Variants in ARHGAP15 observed in about 807,000 individuals in gnomAD.
ARHGAP15 encodes Rho GTPase activating protein 15.
In ARHGAP15, 51 loss-of-function variants were observed where a neutral mutation model predicts 63.7. The observed-to-expected ratio is 0.80, with a 90% confidence interval of 0.64 to 1.01. ARHGAP15 has a LOEUF of 1.01. Ranked by LOEUF, ARHGAP15 falls within the 50% of genes least tolerant of loss-of-function variation. ARHGAP15 has a pLI of 0.00. For missense variants in ARHGAP15, 560 were observed against 564.6 expected (o/e 0.99, Z 0.08); for synonymous variants, 191 against 193.8 (o/e 0.99, Z 0.12).
intron 6 of ARHGAP15, among the ~76,000 whole-genome samples, chr2:143,381,382 T>G (rs937586695): frequency 1.3e-5 from 2 of 152,172 alleles, no homozygotes; most frequent in African/African-American, 4.8e-5. Flanking sequence ...TTAATCCTGA[T>G]TTTTCTACCT....
intron 6 of ARHGAP15, among the ~76,000 whole-genome samples, chr2:143,278,229 A>G (rs2105073263): frequency 6.6e-6 from 1 of 152,266 alleles, no homozygotes; most frequent in African/African-American, 2.4e-5. Flanking sequence ...TTGCCGGTCC[A>G]GAATGTTCGT....
intron 13 of ARHGAP15, among the ~76,000 whole-genome samples, chr2:143,743,805 C>G (rs191767442): frequency 2.6e-5 from 4 of 151,370 alleles, no homozygotes; most frequent in Admixed American, 1.3e-4. Flanking sequence ...AATCAAAACA[C>G]GGAAAGTTGG....
At chr2:143,751,311 G>A (rs375190377) in intron 13 of ARHGAP15, among the ~76,000 whole-genome samples, 1 of 152,166 alleles carries the variant, frequency 6.6e-6, no homozygotes, top group East Asian at 1.9e-4. Flanking sequence ...CTGGGGTGAG[G>A]TGGCTCTCTT....
intron 6 of ARHGAP15, among the ~76,000 whole-genome samples, chr2:143,394,233 T>A (rs2381473): frequency 0.6 from 91,140 of 151,902 alleles, 27,767 homozygotes; most frequent in Admixed American, 0.71. Flanking sequence ...ATAAACTAAT[T>A]GACTCTTAGC....
intron 5 of ARHGAP15, among the ~76,000 whole-genome samples, chr2:143,245,124 G>T (rs898080594): frequency 2.1e-4 from 32 of 152,148 alleles, no homozygotes; most frequent in Admixed American, 2.1e-3. Flanking sequence ...ACCCATTGAG[G>T]GGTCAACATA....
chr2:143,489,360 A>G (rs1191334445), intron 9 of ARHGAP15, among the ~76,000 whole-genome samples: 2 of 152,210 alleles, frequency 1.3e-5, no homozygotes, highest in African/African-American at 4.8e-5. Flanking sequence ...CTGACCAATG[A>G]GTCAGTATTC....
At chr2:143,176,566 A>T (rs1691016950) in intron 2 of ARHGAP15, among the ~76,000 whole-genome samples, 1 of 152,206 alleles carries the variant, frequency 6.6e-6, no homozygotes, top group African/African-American at 2.4e-5. Context: ...AAAAAAAACT[A>T]GTAAATAAGA....
intron 12 of ARHGAP15, among the ~76,000 whole-genome samples, chr2:143,669,336 T>C (rs530222084): frequency 6.6e-6 from 1 of 152,328 alleles, no homozygotes; most frequent in South Asian, 2.1e-4. Context: ...GTCTCCTATT[T>C]TGAGGCATAG....
At chr2:143,413,966 T>TGTGTGCGCGCGCGCGCGCGCGCGCGC in intron 6 of ARHGAP15, among the ~76,000 whole-genome samples, 3 of 117,906 alleles carry the variant, frequency 2.5e-5, no homozygotes, top group Admixed American at 9.2e-5. Flanking sequence ...TGTGTGTGTG[T>TGTGTGCGCGCGCGCGCGCGCGCGCGC]GCGCGCTCTC....
intron 2 of ARHGAP15, among the ~76,000 whole-genome samples, chr2:143,192,033 C>T (rs1407362162): frequency 6.6e-6 from 1 of 152,178 alleles, no homozygotes; most frequent in African/African-American, 2.4e-5. Flanking sequence ...ATAAAGGTGT[C>T]CAAAGAAGTC....
chr2:143,679,661 G>A (rs1411510634), intron 12 of ARHGAP15, among the ~76,000 whole-genome samples: 1 of 9,506 alleles, frequency 1.1e-4, no homozygotes, highest in Non-Finnish European at 4.5e-3. Context: ...GTGCGTGTGT[G>A]TGTGTGTGTG....
intron 10 of ARHGAP15, among the ~76,000 whole-genome samples, chr2:143,546,730 A>G (rs1419246931): frequency 6.6e-6 from 1 of 152,206 alleles, no homozygotes; most frequent in African/African-American, 2.4e-5. Context: ...TGATTTATTT[A>G]CATCAGCATG....
chr2:143,155,428 TG>T, intron 1 of ARHGAP15, 48 bp from the exon 2 acceptor site: 1 of 1,464,824 alleles, frequency 6.8e-7, no homozygotes, highest in Non-Finnish European at 9.1e-7. Context: ...AGAGTTTTCA[TG>T]GAAAATTGTA....
chr2:143,649,169 T>TTCATCA (rs59473812), intron 12 of ARHGAP15, among the ~76,000 whole-genome samples: 1 of 151,216 alleles, frequency 6.6e-6, no homozygotes, highest in Non-Finnish European at 1.5e-5. Context: ...TCTTCTATCA[T>TTCATCA]TCATCATCAT....
intron 10 of ARHGAP15, among the ~76,000 whole-genome samples, chr2:143,542,657 ATT>A (rs78891076): frequency 0.047 from 6,779 of 143,554 alleles, 284 homozygotes; most frequent in Middle Eastern, 0.1. Flanking sequence ...TATGATATAT[ATT>A]ATATATATGA....
intron 6 of ARHGAP15, among the ~76,000 whole-genome samples, chr2:143,378,314 A>G (rs1287134908): frequency 5.3e-5 from 8 of 152,106 alleles, no homozygotes; most frequent in Admixed American, 5.2e-4. Flanking sequence ...TTAAACAGAT[A>G]TTAAAGTACT....
intron 11 of ARHGAP15, among the ~76,000 whole-genome samples, chr2:143,590,227 C>G (rs902689412): frequency 6.6e-6 from 1 of 152,154 alleles, no homozygotes; most frequent in Admixed American, 6.5e-5. Context: ...GAGTGGATGG[C>G]AATGCTAACA....
chr2:143,262,988 T>C (rs1351177178), intron 6 of ARHGAP15, among the ~76,000 whole-genome samples: 1 of 152,158 alleles, frequency 6.6e-6, no homozygotes, highest in Non-Finnish European at 1.5e-5. Context: ...TTCCACCTAC[T>C]GGAGACACCA....
chr2:143,526,307 G>A (rs116543983), intron 10 of ARHGAP15, among the ~76,000 whole-genome samples: 1 of 151,966 alleles, frequency 6.6e-6, no homozygotes, highest in African/African-American at 2.4e-5. Context: ...ATCAGTCAGC[G>A]GATATTCCCA....
Sources: allele counts gnomAD v4.1 joint callset (sites outside exome capture counted in the v4.1 genomes callset), GRCh38; gene constraint gnomAD v4.1.1; transcripts MANE v1.5; gene names NCBI Gene and HGNC (gene_info 2026-07-23, HGNC 2026-07-21).